FRK: variants seen among roughly 807,000 people sequenced by gnomAD.
The protein encoded by FRK is tyrosine-protein kinase FRK.
Under a neutral mutation model 56.4 loss-of-function variants are expected in FRK, and 51 were observed. The ratio of observed to expected loss-of-function variants is 0.90; its 90% CI spans 0.72 to 1.14. The LOEUF (loss-of-function observed/expected upper bound fraction) is 1.14. FRK is among the 50% of genes most tolerant of loss of function. FRK has a pLI of 0.00. For synonymous variants in FRK, 245 were observed against 217.9 expected (o/e 1.12, Z -1.10); for missense variants, 570 against 601.4 (o/e 0.95, Z 0.55).
intron 1 of FRK, among the ~76,000 whole-genome samples, chr6:116,010,901 C>T (rs1199308936): frequency 2.6e-5 from 4 of 152,096 alleles, no homozygotes; most frequent in Non-Finnish European, 5.9e-5. Context: ...AATATGTGAG[C>T]ATGACCTTAT....
At chr6:115,965,905 T>A (rs1773545194) in intron 4 of FRK, among the ~76,000 whole-genome samples, 1 of 71,544 alleles carries the variant, frequency 1.4e-5, no homozygotes, top group African/African-American at 5.4e-5. Flanking sequence ...TGTGGTGGGG[T>A]CGGGGGAGGG....
At chr6:115,981,116 G>A (rs960226552) in intron 2 of FRK, among the ~76,000 whole-genome samples, 1 of 152,096 alleles carries the variant, frequency 6.6e-6, no homozygotes, top group Non-Finnish European at 1.5e-5. Flanking sequence ...GAACTGAACT[G>A]CCCAACAATA....
intron 1 of FRK, chr6:116,039,091 G>A (rs2114782404): frequency 5.1e-6 from 4 of 783,572 alleles, no homozygotes; most frequent in Middle Eastern, 2.7e-4. Context: ...GGCAGAAAGT[G>A]GCCCATGCTC....
At chr6:115,958,739 GAA>G (rs572793640) in intron 4 of FRK, among the ~76,000 whole-genome samples, 1 of 20,526 alleles carries the variant, frequency 4.9e-5, no homozygotes. Flanking sequence ...AAGAAAGAAA[GAA>G]AGAAAGAAAG....
At chr6:115,985,951 T>A (rs1267537838) in intron 2 of FRK, among the ~76,000 whole-genome samples, 1 of 86,902 alleles carries the variant, frequency 1.2e-5, no homozygotes, top group African/African-American at 3.5e-5. Context: ...ACATATATTT[T>A]ATAGTAGACA....
chr6:116,072,096 A>G, the FRK span, among the ~76,000 whole-genome samples: 11 of 152,170 alleles, frequency 7.2e-5, no homozygotes, highest in East Asian at 5.8e-4. Context: ...ATTAGATAGC[A>G]TTAGACAAAT....
At chr6:116,027,724 T>C (rs1458943421) in intron 1 of FRK, among the ~76,000 whole-genome samples, 1 of 151,114 alleles carries the variant, frequency 6.6e-6, no homozygotes, top group Admixed American at 6.6e-5. Flanking sequence ...CTACAACAGA[T>C]TCAATAAACA....
intron 1 of FRK, among the ~76,000 whole-genome samples, chr6:116,009,198 G>A (rs949988575): frequency 2.0e-5 from 3 of 152,198 alleles, no homozygotes; most frequent in Non-Finnish European, 4.4e-5. Flanking sequence ...CACAAGAGTA[G>A]GTTACTGTCT....
intron 2 of FRK, among the ~76,000 whole-genome samples, chr6:115,985,933 T>TGCACTTTGGGAGGCCGAGGCGAGCAG (rs774090636): frequency 6.7e-6 from 1 of 148,502 alleles, no homozygotes; most frequent in African/African-American, 2.5e-5. Flanking sequence ...GCTGAGTGCT[T>TGCACTTTGGGAGGCCGAGGCGAGCAG]ATATTATACA....
At chr6:115,975,186 G>A (rs1219019984) in intron 2 of FRK, among the ~76,000 whole-genome samples, 3 of 152,048 alleles carry the variant, frequency 2.0e-5, no homozygotes, top group Non-Finnish European at 2.9e-5. Context: ...CACTACTAGA[G>A]AATAGTCATT....
intron 1 of FRK, among the ~76,000 whole-genome samples, chr6:116,058,910 CAA>C (rs3049930): frequency 2.0e-4 from 16 of 78,396 alleles, no homozygotes; most frequent in South Asian, 5.4e-4. Context: ...GACTCCGTCT[CAA>C]AAAAAAAAAA....
intron 2 of FRK, among the ~76,000 whole-genome samples, chr6:115,992,551 A>G (rs898567422): frequency 3.2e-4 from 48 of 151,760 alleles, no homozygotes; most frequent in African/African-American, 1.1e-3. Flanking sequence ...AATTGAGGCC[A>G]GGAAAAAAAA....
intron 2 of FRK, among the ~76,000 whole-genome samples, chr6:115,970,482 C>G (rs1773763281): frequency 6.6e-6 from 1 of 152,096 alleles, no homozygotes; most frequent in Non-Finnish European, 1.5e-5. Context: ...AACTAAAAAA[C>G]AATTGAATTA....
chr6:116,057,570 G>A (rs1235689067), intron 1 of FRK, among the ~76,000 whole-genome samples: 1 of 152,176 alleles, frequency 6.6e-6, no homozygotes, highest in Non-Finnish European at 1.5e-5. Flanking sequence ...AAGAAAACAA[G>A]TAGCCTGTTC....
intron 1 of FRK, among the ~76,000 whole-genome samples, chr6:116,035,617 C>T (rs1776449384): frequency 6.6e-6 from 1 of 151,994 alleles, no homozygotes; most frequent in African/African-American, 2.4e-5. Flanking sequence ...ATAACCAATG[C>T]CCAAATCAAA....
At chr6:115,953,696 A>G (rs1001776014) in intron 5 of FRK, among the ~76,000 whole-genome samples, 2 of 152,160 alleles carry the variant, frequency 1.3e-5, no homozygotes, top group Non-Finnish European at 2.9e-5. Context: ...AAAATCCTCA[A>G]TGTCAAAGGT....
chr6:115,971,187 T>C (rs2114610801), intron 2 of FRK, among the ~76,000 whole-genome samples: 1 of 152,338 alleles, frequency 6.6e-6, no homozygotes, highest in South Asian at 2.1e-4. Flanking sequence ...TGCTATATTA[T>C]GGTTCATGCT....
chr6:116,014,035 C>T (rs1775562238), intron 1 of FRK, among the ~76,000 whole-genome samples: 1 of 152,126 alleles, frequency 6.6e-6, no homozygotes, highest in South Asian at 2.1e-4. Context: ...TAAGCTTCAG[C>T]CCTGGGGCTT....
the FRK span, among the ~76,000 whole-genome samples, chr6:116,100,480 G>A: frequency 1.1e-4 from 17 of 152,246 alleles, no homozygotes; most frequent in African/African-American, 4.1e-4. Flanking sequence ...GGGGTAAAAG[G>A]TCAGGTCTAA....
Sources: allele counts gnomAD v4.1 joint callset (sites outside exome capture counted in the v4.1 genomes callset), GRCh38; gene constraint gnomAD v4.1.1; transcripts MANE v1.5; gene names NCBI Gene and HGNC (gene_info 2026-07-23, HGNC 2026-07-21).